Variants in IQSEC3 observed in about 807,000 individuals in gnomAD.
The protein encoded by IQSEC3 is IQ motif and Sec7 domain ArfGEF 3, also known as IQ motif and SEC7 domain-containing protein 3.
Under a neutral mutation model 105.4 loss-of-function variants are expected in IQSEC3, and 50 were observed. The ratio of observed to expected loss-of-function variants is 0.47; its 90% confidence interval spans 0.38 to 0.60. IQSEC3 has a LOEUF of 0.60. Among genes scored for constraint, IQSEC3 ranks in the 20% least tolerant of loss-of-function variants. The pLI is 0.00. For synonymous variants in IQSEC3, 708 were observed against 746.0 expected (o/e 0.95, Z 0.83); for missense variants, 1,415 against 1,630.0 (o/e 0.87, Z 2.27).
chr12:119,853 G>C (rs552003367), intron 2 of IQSEC3, among the ~76,000 whole-genome samples: 4 of 152,260 alleles, frequency 2.6e-5, no homozygotes, highest in Admixed American at 2.6e-4. Flanking sequence ...ATCTTTGGTG[G>C]GGCTGATGGG....
chr12:117,972 C>T lies in IQSEC3; in HGVS notation c.624-7661C>T, dbSNP rs887663124. Among the ~76,000 whole-genome samples the T allele has an allele frequency of 6.6e-5, 10 of 152,226 alleles. 1 individual carries two copies. The highest frequency in any genetic ancestry group is 1.4e-4 in the African/African-American group (6 of 41,524). ...GTTAGCAGGAGCAGGGATGGAGCAG[C>T]GACACAGCGGGTGTGGCCAGGGCCC... On this transcript the variant is annotated intron_variant, in intron 2 of 13. Transcript: ENST00000538872.
intron 2 of IQSEC3, among the ~76,000 whole-genome samples, chr12:121,834 G>C (rs977927885): frequency 3.9e-5 from 6 of 152,220 alleles, no homozygotes; most frequent in African/African-American, 1.4e-4. Context: ...ACTGTGTTCC[G>C]GGCGCTGTCC....
At chr12:83,054 G>A (rs10774263) in intron 1 of IQSEC3, among the ~76,000 whole-genome samples, 77,868 of 151,998 alleles carry the variant, frequency 0.51, 20,777 homozygotes, top group Non-Finnish European at 0.57. Flanking sequence ...CTCACTTATC[G>A]TCGCATACAC....
chr12:99,276 A>T, intron 2 of IQSEC3, 62 bp downstream of exon 2: 1 of 1,468,368 alleles, frequency 6.8e-7, no homozygotes, highest in East Asian at 2.4e-5. Flanking sequence ...ACAACAAAGC[A>T]CGTACCACTG....
chr12:118,547 C>G (rs1865120901), intron 2 of IQSEC3, among the ~76,000 whole-genome samples: 1 of 151,372 alleles, frequency 6.6e-6, no homozygotes. Flanking sequence ...GCCAGGCCCT[C>G]TGGAGGAGTC....
chr12:144,242 CTT>C (rs1204850884), intron 5 of IQSEC3: 1 of 152,020 alleles, frequency 6.6e-6, no homozygotes, highest in Non-Finnish European at 1.5e-5. Flanking sequence ...GCGCTGGAGT[CTT>C]TGCATTTCCC....
chr12:158,637 A>G (rs1313744979), intron 7 of IQSEC3, among the ~76,000 whole-genome samples: 1 of 152,196 alleles, frequency 6.6e-6, no homozygotes, highest in Non-Finnish European at 1.5e-5. Context: ...GCTATACAGT[A>G]TTTATACTTT....
Position 152,273 on chromosome 12 carries a change from C to G in IQSEC3, c.2154-4752C>G, listed in dbSNP as rs559862924. Among the ~76,000 whole-genome samples, 1 of 152,218 alleles carries G rather than the reference C, an allele frequency of 6.6e-6. No individual in the cohort carries two copies. The highest frequency in any genetic ancestry group is 1.5e-5 in the Non-Finnish European group (1 of 68,034). ...ACCTGCAGGGTGACCACAGAGCCCC[C>G]GTGCTGACTGCCCACGCATGCACCA... is the stretch of plus-strand genomic sequence containing the variant. On this transcript the variant is annotated intron_variant, in intron 5 of 13. Coordinates refer to ENST00000538872, the MANE Select transcript of IQSEC3 (RefSeq NM_001170738.2). This position sits in a 1 kb window ranked among gnomAD's most constrained non-coding sequence, Gnocchi z 4.8.
rs1864912458 is a variant in IQSEC3 at position 112,209 on chromosome 12, C to G, written c.623+12995C>G. Among the ~76,000 whole-genome samples, 3 of 141,986 alleles carry G rather than the reference C, an allele frequency of 2.1e-5. No homozygotes were observed. The South Asian group carries it at 6.7e-4, about 32-fold the overall frequency. 93.1% of individuals were successfully genotyped at this position (141,986 alleles called of 152,430 possible). A position where few individuals can be genotyped will look rare whatever the true frequency, so the allele number is the denominator to read the frequency against. ...AGCTGGGCAGGCTGATAAGAACAAA[C>G]AAAATGAACTATTTTGTAGGCTAGT... On this transcript the variant is annotated intron_variant, in intron 2 of 13. Coordinates refer to ENST00000538872, the MANE Select transcript of IQSEC3 (RefSeq NM_001170738.2).
chr12:94,272 A>C (rs1284540746), intron 1 of IQSEC3, among the ~76,000 whole-genome samples: 1 of 152,210 alleles, frequency 6.6e-6, no homozygotes, highest in African/African-American at 2.4e-5. Flanking sequence ...AGTTGTGGGC[A>C]TGATCCTTGA....
intron 3 of IQSEC3, among the ~76,000 whole-genome samples, chr12:130,684 G>A (rs965385452): frequency 2.0e-5 from 3 of 152,156 alleles, no homozygotes; most frequent in Admixed American, 6.5e-5. Context: ...AGGCCTCAAC[G>A]CCCTGCGTGT....
intron 5 of IQSEC3, 92 bp from the exon 6 acceptor site, chr12:156,933 C>A: frequency 7.2e-7 from 1 of 1,391,724 alleles, no homozygotes; most frequent in Non-Finnish European, 9.4e-7. Context: ...GGCCCTGCAC[C>A]TGTCCTGGCT....
chr12:139,223 C>T lies in IQSEC3; in HGVS notation c.1860C>T (p.Asp620=), dbSNP rs782421007. 1.0e-5 allele frequency: 16 copies of T among 1,604,030 alleles called. No homozygotes were observed. The highest frequency in any genetic ancestry group is 9.3e-6 in the Non-Finnish European group (11 of 1,176,772). Reference sequence around the variant, plus strand: ...AGGCGTCGGCCTCCGCCTCCAAGGACGCCCTGCAGGCCATGATCCTGAGCC... The same window carrying T: ...AGGCGTCGGCCTCCGCCTCCAAGGATGCCCTGCAGGCCATGATCCTGAGCC... The part of the protein sequence containing the change: ...GSEASASASK[D]ALQAMILSLP... Residue 620 remains aspartate, a synonymous_variant, in exon 4 of 14, where the codon GAC becomes GAT. Coordinates refer to ENST00000538872, the MANE Select transcript of IQSEC3 (RefSeq NM_001170738.2).
chr12:172,230 C>T (rs1490669006), intron 13 of IQSEC3, among the ~76,000 whole-genome samples: 1 of 151,774 alleles, frequency 6.6e-6, no homozygotes, highest in East Asian at 1.9e-4. Flanking sequence ...CATGGCCCCC[C>T]ACCCCCCACA....
Position 174,720 on chromosome 12 carries a change from TGCC to T in IQSEC3, c.3246_3248del (p.Pro1084del), listed in dbSNP as rs746736589. The T allele has an allele frequency of 6.3e-7, 1 of 1,581,536 alleles. No homozygotes were observed. Among genetic ancestry groups the T allele is most frequent in the Admixed American group, 1.7e-5 (1 of 58,634 alleles). ...CCCCCGAGACAGCAGACCCCACCACTGCCGCCGCCGCCACCCACGCCCCCGGGC... is the reference window on the plus strand; with the variant it reads ...CCCCCGAGACAGCAGACCCCACCACTGCCGCCGCCACCCACGCCCCCGGGC... On this transcript the variant is annotated inframe_deletion, in exon 14 of 14. Transcript: ENST00000538872.
intron 11 of IQSEC3, among the ~76,000 whole-genome samples, chr12:166,610 A>G (rs1555098539): frequency 1.3e-5 from 2 of 152,230 alleles, no homozygotes; most frequent in Admixed American, 1.3e-4. Context: ...ATAGCCTTTA[A>G]GGGAAGACTA....
chr12:100,631 C>T (rs1426379997), intron 2 of IQSEC3, among the ~76,000 whole-genome samples: 2 of 152,130 alleles, frequency 1.3e-5, no homozygotes, highest in Non-Finnish European at 2.9e-5. Context: ...CTGAAGCCAA[C>T]CATGTTGGAG....
chr12:125,932 G>A lies in IQSEC3; in HGVS notation c.903+20G>A, dbSNP rs897180430. The A allele has an allele frequency of 2.3e-5, 35 of 1,526,686 alleles. No homozygotes were observed. The highest frequency in any genetic ancestry group is 5.6e-5 in the African/African-American group (4 of 71,282). 94.6% of individuals were successfully genotyped at this position (1,526,686 alleles called of 1,614,324 possible). A position where few individuals can be genotyped will look rare whatever the true frequency, so the allele number is the denominator to read the frequency against. ...AAACAGGTACCCAGGGCCTCCTAGG[G>A]GGGCGGGGAGGGTGGTGAAGGGGCC... is the stretch of plus-strand genomic sequence containing the variant. On this transcript the variant is annotated intron_variant, in intron 3 of 13. Coordinates refer to ENST00000538872, the MANE Select transcript of IQSEC3 (RefSeq NM_001170738.2).
At chr12:124,920 G>A (rs1039554902) in intron 2 of IQSEC3, among the ~76,000 whole-genome samples, 7 of 152,206 alleles carry the variant, frequency 4.6e-5, no homozygotes, top group African/African-American at 1.7e-4. Flanking sequence ...GGGAACAGAG[G>A]ATGGGTCAGG....
Sources: gnomAD v4.1 joint callset for allele counts (sites outside exome capture counted in the v4.1 genomes callset) on GRCh38, gnomAD v4.1.1 for gene constraint, Gnocchi (gnomAD v3.1) non-coding constraint, MANE v1.5 for transcripts, NCBI Gene and HGNC (gene_info 2026-07-23, HGNC 2026-07-21) for gene names.